MLLT10: variants seen among roughly 807,000 people sequenced by gnomAD.
MLLT10 encodes the protein MLLT10 histone lysine methyltransferase DOT1L cofactor.
MLLT10 carries 30 observed loss-of-function variants against 129.1 expected under a neutral mutation model. The observed-to-expected ratio is 0.23, with a 90% confidence interval of 0.17 to 0.32. MLLT10 has a LOEUF of 0.32. MLLT10 is among the 10% of genes least tolerant of loss of function. The pLI is 1.00. For synonymous variants in MLLT10, 490 were observed against 446.4 expected (o/e 1.10, Z -1.23); for missense variants, 1,119 against 1,268.3 (o/e 0.88, Z 1.79).
rs1253772623 is a variant in MLLT10 at position 21,534,338 on chromosome 10, G to A, written c.-183G>A. The A allele has an allele frequency of 7.5e-6, 3 of 400,910 alleles. No homozygotes were observed. Among genetic ancestry groups the A allele is most frequent in the Non-Finnish European group, 1.3e-5 (3 of 226,588 alleles). The allele number at this position is 400,910 out of a possible 1,614,324, so 24.8% of individuals were successfully genotyped here. A position where few individuals can be genotyped will look rare whatever the true frequency, so the allele number is the denominator to read the frequency against. On this transcript the variant is annotated 5_prime_UTR_variant, in exon 1 of 23. Coordinates refer to ENST00000307729, the MANE Select transcript of MLLT10 (RefSeq NM_001195626.3). ...CTCCCCCCAGTGCGCCTGTGCGGAG[G>A]CCCTCTTGATTATGTGTGCCCTCTC...
chr10:21,617,256 A>AT (rs762516665), intron 8 of MLLT10, 49 bp downstream of exon 8: 405 of 1,090,132 alleles, frequency 3.7e-4, no homozygotes, highest in South Asian at 5.0e-4. Context: ...ACTTAATAGA[A>AT]TTTTTTTTTG....
chr10:21,558,176 A>G (rs879743131), intron 3 of MLLT10, among the ~76,000 whole-genome samples: 6 of 151,730 alleles, frequency 4.0e-5, no homozygotes, highest in Admixed American at 6.6e-5. Context: ...GTCTCGAACT[A>G]CTGACCTCCG....
chr10:21,731,103 A>G, intron 17 of MLLT10, 49 bp downstream of exon 17: 1 of 1,530,092 alleles, frequency 6.5e-7, no homozygotes. Context: ...GGGCAGATGG[A>G]CAAACAGGCA....
chr10:21,634,301 G>A (rs1365416961), intron 8 of MLLT10, among the ~76,000 whole-genome samples: 2 of 152,268 alleles, frequency 1.3e-5, no homozygotes, highest in East Asian at 3.9e-4. Context: ...CAGACTAGTT[G>A]TTTTGCAGTG....
intron 5 of MLLT10, among the ~76,000 whole-genome samples, chr10:21,610,420 T>A (rs2044486621): frequency 6.6e-6 from 1 of 152,072 alleles, no homozygotes; most frequent in African/African-American, 2.4e-5. Flanking sequence ...GCTGTTGGGG[T>A]GGGGATGCTG....
chr10:21,650,346 G>A (rs1328250208), intron 8 of MLLT10, among the ~76,000 whole-genome samples: 6 of 152,000 alleles, frequency 3.9e-5, no homozygotes, highest in Non-Finnish European at 8.8e-5. Context: ...GCGAGGCCCT[G>A]TTTCAAAAAG....
chr10:21,621,534 C>T (rs999524646), intron 8 of MLLT10, among the ~76,000 whole-genome samples: 1 of 152,164 alleles, frequency 6.6e-6, no homozygotes, highest in East Asian at 1.9e-4. Context: ...CGTGAGCTAC[C>T]GCGCCCAGCC....
At chr10:21,721,054 A>G (rs1365587404) in intron 14 of MLLT10, among the ~76,000 whole-genome samples, 3 of 152,224 alleles carry the variant, frequency 2.0e-5, no homozygotes, top group Non-Finnish European at 2.9e-5. Flanking sequence ...TAGGAATTTA[A>G]AAAGTAAATA....
chr10:21,732,360 G>A (rs914928082), intron 17 of MLLT10, among the ~76,000 whole-genome samples: 1 of 152,144 alleles, frequency 6.6e-6, no homozygotes, highest in Non-Finnish European at 1.5e-5. Flanking sequence ...CACACATAGC[G>A]CTCCCTGCTG....
At chr10:21,687,502 A>G (rs1198408298) in intron 13 of MLLT10, among the ~76,000 whole-genome samples, 4 of 152,206 alleles carry the variant, frequency 2.6e-5, no homozygotes, top group Non-Finnish European at 2.9e-5. Flanking sequence ...CTCATTCTAA[A>G]TTTAATTTCC....
At chr10:21,624,279 C>T (rs1286738856) in intron 8 of MLLT10, among the ~76,000 whole-genome samples, 1 of 152,058 alleles carries the variant, frequency 6.6e-6, no homozygotes, top group African/African-American at 2.4e-5. Flanking sequence ...TCTTCAAAAC[C>T]ACAGGTTCTG....
At chr10:21,628,819 T>C (rs977250265) in intron 8 of MLLT10, among the ~76,000 whole-genome samples, 3 of 147,714 alleles carry the variant, frequency 2.0e-5, no homozygotes, top group African/African-American at 2.5e-5. Context: ...TGATCTTGGC[T>C]CACTGTAACC....
At chr10:21,583,926 G>A (rs563099652) in intron 3 of MLLT10, among the ~76,000 whole-genome samples, 53 of 151,754 alleles carry the variant, frequency 3.5e-4, no homozygotes, top group African/African-American at 1.3e-3. Context: ...CTGGAGTGCA[G>A]TGACGCGATC....
At chr10:21,709,032 G>A (rs973285407) in intron 13 of MLLT10, among the ~76,000 whole-genome samples, 1 of 152,166 alleles carries the variant, frequency 6.6e-6, no homozygotes, top group Non-Finnish European at 1.5e-5. Context: ...AGGTTCAGAA[G>A]GGTTAAGTAG....
chr10:21,660,615 C>CAAAAAAAAAAAA lies in MLLT10; in HGVS notation c.795+8857_795+8868dup, dbSNP rs55685640. On this transcript the variant is annotated intron_variant, in intron 9 of 22. Coordinates refer to ENST00000307729, the MANE Select transcript of MLLT10 (RefSeq NM_001195626.3). ...CGGGTGACAGAGCAAGACTCCATCT[C>CAAAAAAAAAAAA]AAAAAAAAAAAAAAAAAAAAAGCCA... 2.2e-3 allele frequency among the ~76,000 whole-genome samples: 93 copies of CAAAAAAAAAAAA among 41,816 alleles called. 3 individuals are homozygous for CAAAAAAAAAAAA. The highest frequency in any genetic ancestry group is 9.2e-3 in the African/African-American group (90 of 9,778). 27.4% of individuals were successfully genotyped at this position (41,816 alleles called of 152,430 possible). A position where few individuals can be genotyped will look rare whatever the true frequency, so the allele number is the denominator to read the frequency against.
intron 8 of MLLT10, chr10:21,625,462 T>A: frequency 1.0e-6 from 1 of 1,001,332 alleles, no homozygotes; most frequent in Non-Finnish European, 1.6e-6. Context: ...CTTCTGGATA[T>A]GGTTCTTCAC....
chr10:21,577,846 A>G lies in MLLT10; in HGVS notation c.241-8448A>G, dbSNP rs377481120. On this transcript the variant is annotated intron_variant, in intron 3 of 22. Transcript: ENST00000307729. ...TGGCTTTTGGTTTTAGCTATCCTAC[A>G]GGGCATGAGGTAGTATCTGATTGTG... Among the ~76,000 whole-genome samples the G allele has an allele frequency of 3.3e-5, 5 of 152,000 alleles. No individual in the cohort carries two copies. In the East Asian group the frequency reaches 7.8e-4, roughly 24 times the overall value.
intron 3 of MLLT10, among the ~76,000 whole-genome samples, chr10:21,572,519 G>C (rs1379129702): frequency 1.3e-5 from 2 of 152,130 alleles, no homozygotes; most frequent in Non-Finnish European, 2.9e-5. Flanking sequence ...CATTAGTATA[G>C]TATATCTCTC....
At chr10:21,740,441 A>C (rs1206932343) in intron 22 of MLLT10, among the ~76,000 whole-genome samples, 1 of 152,220 alleles carries the variant, frequency 6.6e-6, no homozygotes, top group Non-Finnish European at 1.5e-5. Context: ...ATTAGGTTTG[A>C]AGGCTGTTTT....
Sources: gnomAD v4.1 joint callset for allele counts (sites outside exome capture counted in the v4.1 genomes callset) on GRCh38, gnomAD v4.1.1 for gene constraint, MANE v1.5 for transcripts, NCBI Gene and HGNC (gene_info 2026-07-23, HGNC 2026-07-21) for gene names.